BOK: variants seen among roughly 807,000 people sequenced by gnomAD.
BOK encodes the protein bcl-2-related ovarian killer protein.
BOK carries 20 observed loss-of-function variants against 18.3 expected under a neutral mutation model. The ratio of observed to expected loss-of-function variants is 1.09; its 90% confidence interval spans 0.77 to 1.59. The LOEUF (loss-of-function observed/expected upper bound fraction) is 1.59, where lower values mean the gene tolerates loss of function less well. Ranked by LOEUF, BOK falls within the 40% of genes most tolerant of loss-of-function variation. The pLI is 0.00. For missense variants in BOK, 348 were observed against 307.9 expected, an observed-to-expected ratio of 1.13 and a Z score of -0.97; for synonymous variants, 173 against 142.4, an observed-to-expected ratio of 1.21 and a Z score of -1.53.
rs2066734438 is a variant in BOK, at chr2:241,572,163, T to C, written c.514-134T>C. 7 of 1,380,110 alleles carry C rather than the reference T, an allele frequency of 5.1e-6. No individual in the cohort carries two copies. In the Admixed American group the frequency reaches 1.6e-4, roughly 31 times the overall value. The allele number at this position is 1,380,110 out of a possible 1,614,324, so 85.5% of individuals were successfully genotyped here. A position where few individuals can be genotyped will look rare whatever the true frequency, so the allele number is the denominator to read the frequency against. ...CCTTCAGTCCAGGCCACAGACCTCC[T>C]TCCCGAACAGTCTCCTGCATTCCCT... is the stretch of plus-strand genomic sequence containing the variant. On this transcript the variant is annotated intron_variant, in intron 4 of 4. Coordinates refer to ENST00000318407, the MANE Select transcript of BOK (RefSeq NM_032515.5).
intron 1 of BOK, among the ~76,000 whole-genome samples, chr2:241,552,878 G>C (rs2066424081): frequency 6.6e-6 from 1 of 152,216 alleles, no homozygotes; most frequent in African/African-American, 2.4e-5. Context: ...ACCGGGAGGT[G>C]ACGGAGGGGT....
chr2:241,556,169 A>T (rs955474435), upstream of BOK, among the ~76,000 whole-genome samples: 1 of 152,226 alleles, frequency 6.6e-6, no homozygotes, highest in Admixed American at 6.5e-5. Flanking sequence ...CTGTCCAAGG[A>T]GCTCTAGACT....
intron 2 of BOK, among the ~76,000 whole-genome samples, chr2:241,560,782 G>C (rs2066516549): frequency 6.6e-6 from 1 of 152,166 alleles, no homozygotes; most frequent in South Asian, 2.1e-4. Context: ...TGACCCTAGG[G>C]GATCCTTTTA....
chr2:241,562,543 A>G lies in BOK; in HGVS notation c.349+67A>G, dbSNP rs1214010380. ...TCCAGGGTCTGTGGCTCAGGCTCACAGGGACCCCACGAGCTGGCCCCCACC... is the reference window on the plus strand; with the variant it reads ...TCCAGGGTCTGTGGCTCAGGCTCACGGGGACCCCACGAGCTGGCCCCCACC... On this transcript the variant is annotated intron_variant, in intron 3 of 4. Transcript: ENST00000318407. The surrounding 1 kb of genome is among the most constrained non-coding windows in gnomAD (Gnocchi z 4.5). The G allele has an allele frequency of 6.6e-6, 10 of 1,524,716 alleles. No homozygotes were observed. Among genetic ancestry groups the G allele is most frequent in the Non-Finnish European group, 7.9e-6 (9 of 1,139,374 alleles). 94.4% of individuals were successfully genotyped at this position (1,524,716 alleles called of 1,614,324 possible). A position where few individuals can be genotyped will look rare whatever the true frequency, so the allele number is the denominator to read the frequency against.
At chr2:241,556,010 C>T (rs1471201607), upstream of BOK, among the ~76,000 whole-genome samples, 1 of 152,190 alleles carries the variant, frequency 6.6e-6, no homozygotes, top group African/African-American at 2.4e-5. Context: ...ACTTCAGGAA[C>T]CATGGAGTTA....
intron 1 of BOK, among the ~76,000 whole-genome samples, chr2:241,553,648 G>A (rs545082652): frequency 1.3e-4 from 20 of 152,266 alleles, no homozygotes; most frequent in Admixed American, 3.3e-4. Context: ...GGCAGATCTC[G>A]TGAGAACTCA....
intron 3 of BOK, among the ~76,000 whole-genome samples, chr2:241,569,238 T>G (rs112239664): frequency 0.012 from 1,808 of 152,312 alleles, 48 homozygotes; most frequent in African/African-American, 0.042. Flanking sequence ...TTCAAGTGAT[T>G]CTCCTGCTTC....
At chr2:241,554,289 C>A (rs1193093144), upstream of BOK, among the ~76,000 whole-genome samples, 1 of 151,914 alleles carries the variant, frequency 6.6e-6, no homozygotes, top group African/African-American at 2.4e-5. Context: ...TAGAGAGGAG[C>A]CATGAGGAGG....
At chr2:241,551,458 C>T (rs2066413370) in exon 1 of BOK, 1 of 152,258 alleles carries the variant, frequency 6.6e-6, no homozygotes, top group African/African-American at 2.4e-5. Context: ...GGAACCAGCG[C>T]ACCCCATCGC....
intron 3 of BOK, among the ~76,000 whole-genome samples, chr2:241,567,862 G>A (rs1275088837): frequency 1.3e-5 from 1 of 78,600 alleles, no homozygotes; most frequent in African/African-American, 5.8e-5. Flanking sequence ...CATTCCCAGT[G>A]TGGAGCAGCC....
At position 241,562,756 on chromosome 2, in the gene BOK, G is replaced by A. The variant is rs1285363709; in HGVS notation, c.349+280G>A. 6.6e-6 allele frequency among the ~76,000 whole-genome samples: 1 copy of A among 152,214 alleles called. No homozygotes were observed. Among genetic ancestry groups the A allele is most frequent in the Admixed American group, 6.5e-5 (1 of 15,282 alleles). ...GTAGTTGTGGTCCAGCATCCGTGGG[G>A]CCGCGTGACCTGCAGTCCTGTGGGG... On this transcript the variant is annotated intron_variant, in intron 3 of 4. Transcript: ENST00000318407. This position sits in a 1 kb window ranked among gnomAD's most constrained non-coding sequence, Gnocchi z 4.5.
Position 241,562,445 on chromosome 2 carries a change from C to T in BOK, c.318C>T (p.Phe106=), listed in dbSNP as rs748946523. 1.5e-5 allele frequency: 24 copies of T among 1,611,990 alleles called. No individual in the cohort carries two copies. The highest frequency in any genetic ancestry group is 1.9e-5 in the Non-Finnish European group (23 of 1,179,834). Residue 106 remains phenylalanine, a synonymous_variant, in exon 3 of 5, where the codon TTC becomes TTT. Transcript: ENST00000318407. The surrounding 1 kb of genome is among the most constrained non-coding windows in gnomAD (Gnocchi z 4.5). ...LQSEPVVTDA[F]LAVAGHIFSA... Reference sequence around the variant, plus strand: ...CTGAGCCTGTGGTGACCGATGCGTTCCTGGCCGTGGCTGGCCACATCTTCT... The same window carrying T: ...CTGAGCCTGTGGTGACCGATGCGTTTCTGGCCGTGGCTGGCCACATCTTCT...
chr2:241,553,781 T>A (rs1221864455), upstream of BOK, among the ~76,000 whole-genome samples: 1 of 152,154 alleles, frequency 6.6e-6, no homozygotes, highest in African/African-American at 2.4e-5. Context: ...ATCCAAGCTG[T>A]ATCACCCACA....
Position 241,562,464 on chromosome 2 carries a change from A to G in BOK, c.337A>G (p.Ile113Val), listed in dbSNP as rs777210336. Residue 113 changes from isoleucine to valine, a missense_variant, in exon 3 of 5, where the codon ATC becomes GTC. By Grantham distance (29) the Ile-to-Val change is conservative (BLOSUM62 3). Coordinates refer to ENST00000318407, the MANE Select transcript of BOK (RefSeq NM_032515.5). The surrounding 1 kb of genome is among the most constrained non-coding windows in gnomAD (Gnocchi z 4.5). The stretch of plus-strand genomic sequence containing the variant: ...TGCGTTCCTGGCCGTGGCTGGCCAC[A>G]TCTTCTCTGCAGGTATGCCCAGCCT... ...TDAFLAVAGH[I>V]FSAGITWGKV... 6.2e-7 allele frequency: 1 copy of G among 1,610,950 alleles called. No individual in the cohort carries two copies. The highest frequency in any genetic ancestry group is 1.1e-5 in the South Asian group (1 of 90,932).
chr2:241,552,779 A>T (rs780310145), intron 1 of BOK, among the ~76,000 whole-genome samples: 1 of 152,208 alleles, frequency 6.6e-6, no homozygotes, highest in Non-Finnish European at 1.5e-5. Flanking sequence ...GTCACCTTCC[A>T]GCCCATCAGG....
At chr2:241,571,663 G>A (rs951246915) in intron 4 of BOK, among the ~76,000 whole-genome samples, 4 of 152,200 alleles carry the variant, frequency 2.6e-5, no homozygotes, top group Non-Finnish European at 5.9e-5. Flanking sequence ...CCCAGTGGGC[G>A]ACGACACTTT....
chr2:241,561,469 C>A (rs112080008), intron 2 of BOK, among the ~76,000 whole-genome samples: 1 of 138,836 alleles, frequency 7.2e-6, no homozygotes, highest in African/African-American at 2.8e-5. Context: ...CGTGGCAGTG[C>A]GGGTGGCCCA....
Position 241,562,998 on chromosome 2 carries a change from G to A in BOK, c.349+522G>A, listed in dbSNP as rs1196088172. On this transcript the variant is annotated intron_variant, in intron 3 of 4. Coordinates refer to ENST00000318407, the MANE Select transcript of BOK (RefSeq NM_032515.5). The surrounding 1 kb of genome is among the most constrained non-coding windows in gnomAD (Gnocchi z 4.5). ...CAGAAGCGAGCCTCAGGGCTCCAGC[G>A]TCCAGGAGAGGGGAGAGCATGGGGG... Among the ~76,000 whole-genome samples the A allele has an allele frequency of 2.6e-5, 4 of 152,204 alleles. No homozygotes were observed. The highest frequency in any genetic ancestry group is 6.5e-5 in the Admixed American group (1 of 15,290).
chr2:241,562,112 G>A lies in BOK; in HGVS notation c.221-236G>A, dbSNP rs1171306298. Among the ~76,000 whole-genome samples the A allele has an allele frequency of 6.6e-6, 1 of 152,260 alleles. No homozygotes were observed. Among genetic ancestry groups the A allele is most frequent in the Admixed American group, 6.5e-5 (1 of 15,292 alleles). ...TAGGGGCTGGCTCGTCAGAGGGGCG[G>A]GACTGGGGGCGCCTTCAGTACTTCC... On this transcript the variant is annotated intron_variant, in intron 2 of 4. Transcript: ENST00000318407. The surrounding 1 kb of genome is among the most constrained non-coding windows in gnomAD (Gnocchi z 4.5).
Sources: allele counts gnomAD v4.1 joint callset (sites outside exome capture counted in the v4.1 genomes callset), GRCh38; gene constraint gnomAD v4.1.1; non-coding constraint Gnocchi (gnomAD v3.1); transcripts MANE v1.5; gene names NCBI Gene and HGNC (gene_info 2026-07-23, HGNC 2026-07-21).